ZFHX3: variants seen among roughly 807,000 people sequenced by gnomAD.
ZFHX3 encodes zinc finger homeobox 3.
In ZFHX3, 42 loss-of-function variants were observed where a neutral mutation model predicts 279.1. That is an observed-to-expected ratio of 0.15 (90% CI 0.12 to 0.19). The LOEUF (loss-of-function observed/expected upper bound fraction) is 0.19. Ranked by LOEUF, ZFHX3 falls within the 10% of genes least tolerant of loss-of-function variation. The pLI is 1.00. For synonymous variants in ZFHX3, 2,293 were observed against 1,957.8 expected (o/e 1.17, Z -4.52); for missense variants, 4,981 against 4,754.0 (o/e 1.05, Z -1.40).
chr16:73,030,973 T>A (rs1187830553), intron 1 of ZFHX3, among the ~76,000 whole-genome samples: 1 of 152,228 alleles, frequency 6.6e-6, no homozygotes, highest in African/African-American at 2.4e-5. Context: ...TCCACACTTC[T>A]CCACCCCTTG....
chr16:73,176,629 T>C lies in ZFHX3; in HGVS notation c.-1103-32798A>G, dbSNP rs187239049. ...TTCTCCTTTTTTTTTTTTTTTTCCTTAAACCTCCATGCACTTTGCTAATTA... is the reference window on the plus strand; with the variant it reads ...TTCTCCTTTTTTTTTTTTTTTTCCTCAAACCTCCATGCACTTTGCTAATTA... On this transcript the variant is annotated intron_variant, in intron 5 of 17. Coordinates refer to the ZFHX3 transcript ENST00000641206. Among the ~76,000 whole-genome samples, 627 of 150,322 alleles carry C rather than the reference T, an allele frequency of 4.2e-3. 6 individuals are homozygous for C. Among genetic ancestry groups the C allele is most frequent in the African/African-American group, 0.014 (583 of 40,580 alleles).
At chr16:73,232,678 C>T (rs1166353308) in intron 5 of ZFHX3, 2 of 152,082 alleles carry the variant, frequency 1.3e-5, no homozygotes, top group African/African-American at 4.8e-5. Context: ...GTATCTCCTA[C>T]GTAAGAGCTT....
At chr16:73,543,151 T>C (rs1484878332) in intron 2 of ZFHX3, among the ~76,000 whole-genome samples, 2 of 152,186 alleles carry the variant, frequency 1.3e-5, no homozygotes, top group Non-Finnish European at 2.9e-5. Flanking sequence ...GTGATTAACA[T>C]TCCTCTGCTG....
chr16:73,227,659 G>T (rs112468144), intron 5 of ZFHX3, among the ~76,000 whole-genome samples: 1 of 151,684 alleles, frequency 6.6e-6, no homozygotes, highest in East Asian at 1.9e-4. Flanking sequence ...GACCAGCCTG[G>T]GCAACATGGT....
intron 3 of ZFHX3, among the ~76,000 whole-genome samples, chr16:73,430,582 G>A (rs1471942285): frequency 6.6e-6 from 1 of 152,146 alleles, no homozygotes; most frequent in African/African-American, 2.4e-5. Flanking sequence ...TGGCTCAAGA[G>A]TTATAACAGG....
At chr16:73,082,119 G>A (rs903442127) in intron 8 of ZFHX3, among the ~76,000 whole-genome samples, 4 of 151,994 alleles carry the variant, frequency 2.6e-5, no homozygotes, top group African/African-American at 9.7e-5. Flanking sequence ...TTACAGGTGT[G>A]AGCCACCGCA....
intron 2 of ZFHX3, among the ~76,000 whole-genome samples, chr16:73,638,218 T>G (rs1019304229): frequency 6.6e-6 from 1 of 152,248 alleles, no homozygotes; most frequent in African/African-American, 2.4e-5. Context: ...TGCTCAATGA[T>G]AGTTTAATTT....
chr16:73,863,728 G>A (rs1192329148), intron 1 of ZFHX3, among the ~76,000 whole-genome samples: 9 of 152,066 alleles, frequency 5.9e-5, no homozygotes, highest in Non-Finnish European at 1.2e-4. Context: ...GAATTTTTAT[G>A]CCTTCTTTAT....
chr16:72,998,900 A>G (rs375445536), intron 1 of ZFHX3, among the ~76,000 whole-genome samples: 2 of 152,214 alleles, frequency 1.3e-5, no homozygotes, highest in Admixed American at 6.5e-5. Flanking sequence ...GGGCTTGTCC[A>G]CCATTAAACT....
intron 2 of ZFHX3, among the ~76,000 whole-genome samples, chr16:73,578,870 C>T (rs758974607): frequency 6.6e-6 from 1 of 152,078 alleles, no homozygotes; most frequent in Non-Finnish European, 1.5e-5. Flanking sequence ...AACCAAAAAA[C>T]AAAATTCTAA....
intron 2 of ZFHX3, among the ~76,000 whole-genome samples, chr16:73,584,278 T>A (rs2051894900): frequency 6.6e-6 from 1 of 152,150 alleles, no homozygotes; most frequent in South Asian, 2.1e-4. Flanking sequence ...GAAGTCAGAT[T>A]AATAGAGCCT....
chr16:73,201,048 G>T (rs1178178008), intron 5 of ZFHX3, among the ~76,000 whole-genome samples: 1 of 152,150 alleles, frequency 6.6e-6, no homozygotes, highest in Non-Finnish European at 1.5e-5. Flanking sequence ...CAGTTCATTT[G>T]GTTTGGGCAG....
At chr16:73,478,012 C>A (rs1232740935) in intron 2 of ZFHX3, among the ~76,000 whole-genome samples, 1 of 152,084 alleles carries the variant, frequency 6.6e-6, no homozygotes, top group African/African-American at 2.4e-5. Context: ...GTGACTCATG[C>A]CTGTAATCCC....
chr16:73,799,059 G>C (rs2142323741), intron 1 of ZFHX3, among the ~76,000 whole-genome samples: 1 of 152,218 alleles, frequency 6.6e-6, no homozygotes, highest in South Asian at 2.1e-4. Context: ...GTGTCTATTT[G>C]GAATTTGCAA....
chr16:73,615,220 G>A (rs899768505), intron 2 of ZFHX3, among the ~76,000 whole-genome samples: 2 of 151,950 alleles, frequency 1.3e-5, no homozygotes, highest in Non-Finnish European at 2.9e-5. Context: ...GGAGGGAGGG[G>A]AAGGAACAGG....
chr16:73,700,282 G>T (rs1473665527), intron 1 of ZFHX3, among the ~76,000 whole-genome samples: 9 of 152,056 alleles, frequency 5.9e-5, no homozygotes, highest in Admixed American at 4.6e-4. Flanking sequence ...TGAGAATCCT[G>T]TTCTCACCTA....
chr16:73,220,096 A>G (rs2012359927), intron 5 of ZFHX3, among the ~76,000 whole-genome samples: 1 of 152,040 alleles, frequency 6.6e-6, no homozygotes, highest in African/African-American at 2.4e-5. Flanking sequence ...CAAAAATAAA[A>G]AAATTAAAAA....
chr16:72,807,284 T>C (rs1247916188), intron 7 of ZFHX3: 2 of 152,220 alleles, frequency 1.3e-5, no homozygotes, highest in African/African-American at 2.4e-5. Flanking sequence ...GCTTTATAGA[T>C]TTCCTTCTTT....
At chr16:73,013,390 C>G (rs1026131541) in intron 1 of ZFHX3, among the ~76,000 whole-genome samples, 1 of 152,138 alleles carries the variant, frequency 6.6e-6, no homozygotes, top group African/African-American at 2.4e-5. Flanking sequence ...CTGGCTCAAG[C>G]GATCCTCCCA....
Sources: allele counts gnomAD v4.1 joint callset (sites outside exome capture counted in the v4.1 genomes callset), GRCh38; gene constraint gnomAD v4.1.1; transcripts MANE v1.5; gene names NCBI Gene and HGNC (gene_info 2026-07-23, HGNC 2026-07-21).